The following PDE4D variants were observed in gnomAD, a reference collection of about 807,000 sequenced individuals.
PDE4D encodes phosphodiesterase 4D, also known as 3',5'-cyclic-AMP phosphodiesterase 4D.
In PDE4D, 24 loss-of-function variants were observed where a neutral mutation model predicts 87.4. The ratio of observed to expected loss-of-function variants is 0.27; its 90% confidence interval spans 0.20 to 0.39. PDE4D has a LOEUF of 0.39. PDE4D is among the 10% of genes least tolerant of loss of function. PDE4D has a pLI of 1.00. For synonymous variants in PDE4D, 384 were observed against 383.2 expected (o/e 1.00, Z -0.02); for missense variants, 714 against 1,041.0 (o/e 0.69, Z 4.32).
chr5:60,070,355 T>C (rs902638973), intron 2 of PDE4D, among the ~76,000 whole-genome samples: 1 of 152,250 alleles, frequency 6.6e-6, no homozygotes, highest in African/African-American at 2.4e-5. Context: ...TTGAGGTATA[T>C]AATATTTGTA....
At chr5:59,602,478 G>A (rs542286349) in intron 1 of PDE4D, among the ~76,000 whole-genome samples, 2 of 151,974 alleles carry the variant, frequency 1.3e-5, no homozygotes, top group South Asian at 4.1e-4. Context: ...ATCTGAAAAA[G>A]AAATTTTTAA....
At chr5:59,817,751 C>A (rs1026370005) in intron 1 of PDE4D, among the ~76,000 whole-genome samples, 2 of 149,216 alleles carry the variant, frequency 1.3e-5, no homozygotes, top group Admixed American at 6.7e-5. Context: ...CACCCCCCCC[C>A]ACACACACAC....
chr5:60,429,641 A>G lies in PDE4D; in HGVS notation c.-90+58301T>C, dbSNP rs142877181. ...CTTACTATTTTGAGGTATGTCCTTC[A>G]ATGCCTAGTTTTTTGAAGGTTTTTA... On this transcript the variant is annotated intron_variant, in intron 1 of 16. Transcript: ENST00000502484. Among the ~76,000 whole-genome samples the G allele has an allele frequency of 9.9e-4, 150 of 152,266 alleles. 2 individuals are homozygous for G. The highest frequency in any genetic ancestry group is 3.6e-3 in the African/African-American group (148 of 41,560).
chr5:59,109,613 C>T (rs897374839), intron 5 of PDE4D, among the ~76,000 whole-genome samples: 2 of 152,142 alleles, frequency 1.3e-5, no homozygotes, highest in African/African-American at 4.8e-5. Flanking sequence ...GCTTTAGGGG[C>T]TGGTGCATGC....
chr5:60,291,722 G>A (rs1752914782), intron 1 of PDE4D, among the ~76,000 whole-genome samples: 1 of 151,882 alleles, frequency 6.6e-6, no homozygotes, highest in African/African-American at 2.4e-5. Context: ...CTAGCAACTG[G>A]GCAGTGAGAC....
At chr5:59,255,991 C>T (rs1252324753) in intron 1 of PDE4D, among the ~76,000 whole-genome samples, 1 of 152,044 alleles carries the variant, frequency 6.6e-6, no homozygotes, top group Non-Finnish European at 1.5e-5. Context: ...TGTTCTGTTA[C>T]AAAAACTCCA....
chr5:59,856,888 G>A (rs1252647928), intron 1 of PDE4D, among the ~76,000 whole-genome samples: 7 of 152,020 alleles, frequency 4.6e-5, no homozygotes, highest in Non-Finnish European at 1.0e-4. Context: ...CAAAGAAAAT[G>A]AGTATTAGTC....
chr5:59,134,520 A>AACAGG (rs1776755269), intron 5 of PDE4D, among the ~76,000 whole-genome samples: 1 of 152,192 alleles, frequency 6.6e-6, no homozygotes, highest in African/African-American at 2.4e-5. Flanking sequence ...ACTAAAACGT[A>AACAGG]ACAGGATGTT....
chr5:60,049,481 C>A (rs1010762803), intron 2 of PDE4D, among the ~76,000 whole-genome samples: 1 of 152,184 alleles, frequency 6.6e-6, no homozygotes, highest in Admixed American at 6.5e-5. Context: ...TCTGTTTTTT[C>A]CCCATTTTTG....
At chr5:59,740,367 T>C (rs528423311) in intron 1 of PDE4D, among the ~76,000 whole-genome samples, 2 of 152,284 alleles carry the variant, frequency 1.3e-5, no homozygotes, top group Non-Finnish European at 2.9e-5. Flanking sequence ...GGTATTTTTG[T>C]TCTAAAAGGG....
chr5:59,968,272 C>T (rs1037464974), intron 3 of PDE4D, among the ~76,000 whole-genome samples: 2 of 151,950 alleles, frequency 1.3e-5, no homozygotes, highest in African/African-American at 4.8e-5. Flanking sequence ...GTGTGAGCCA[C>T]TGCGCCCGGC....
chr5:60,299,870 A>T (rs960130068), intron 1 of PDE4D, among the ~76,000 whole-genome samples: 49 of 152,168 alleles, frequency 3.2e-4, no homozygotes, highest in African/African-American at 1.1e-3. Flanking sequence ...ATACACATGT[A>T]TGTATCTTTA....
rs190821630 is a variant in PDE4D at position 59,830,156 on chromosome 5, A to G, written c.455+63012T>C. On this transcript the variant is annotated intron_variant, in intron 1 of 14. Coordinates refer to ENST00000340635, the MANE Select transcript of PDE4D (RefSeq NM_001104631.2). ...GAACTGACAGGCCTTTGTGTATTTG[A>G]GTTAATGACAAGCTGACAGATAGCA... 2.0e-5 allele frequency among the ~76,000 whole-genome samples: 3 copies of G among 152,156 alleles called. No individual in the cohort carries two copies. In the East Asian group the frequency reaches 5.8e-4, roughly 30 times the overall value.
intron 12 of PDE4D, among the ~76,000 whole-genome samples, chr5:58,976,865 G>GA (rs1743934595): frequency 6.6e-6 from 1 of 152,182 alleles, no homozygotes; most frequent in Admixed American, 6.6e-5. Flanking sequence ...CTACTGATGA[G>GA]AAAAGGTGGG....
chr5:59,547,947 C>T (rs1817545905), intron 1 of PDE4D, among the ~76,000 whole-genome samples: 2 of 152,246 alleles, frequency 1.3e-5, no homozygotes, highest in South Asian at 2.1e-4. Context: ...GATGTATGCT[C>T]TCATGTCACA....
intron 2 of PDE4D, among the ~76,000 whole-genome samples, chr5:59,209,250 A>G (rs1187257251): frequency 1.3e-5 from 2 of 152,048 alleles, no homozygotes; most frequent in South Asian, 2.1e-4. Context: ...CAGTGGCTCA[A>G]TCGTGGCTCA....
chr5:60,378,726 A>C (rs1207681356), intron 1 of PDE4D, among the ~76,000 whole-genome samples: 2 of 151,934 alleles, frequency 1.3e-5, no homozygotes, highest in Non-Finnish European at 1.5e-5. Context: ...GGTGGTGCCC[A>C]TCTGTAATCC....
intron 1 of PDE4D, among the ~76,000 whole-genome samples, chr5:60,420,866 C>T (rs1017976126): frequency 1.3e-5 from 2 of 152,370 alleles, no homozygotes; most frequent in African/African-American, 4.8e-5. Flanking sequence ...TAGCAACCAG[C>T]AGACCAGGAG....
intron 1 of PDE4D, among the ~76,000 whole-genome samples, chr5:59,618,690 T>C (rs1340593786): frequency 6.6e-6 from 1 of 152,062 alleles, no homozygotes; most frequent in Non-Finnish European, 1.5e-5. Flanking sequence ...AGAAGACAGA[T>C]GATGGTGGCT....
Sources: gnomAD v4.1 joint callset for allele counts (sites outside exome capture counted in the v4.1 genomes callset) on GRCh38, gnomAD v4.1.1 for gene constraint, MANE v1.5 for transcripts, NCBI Gene and HGNC (gene_info 2026-07-23, HGNC 2026-07-21) for gene names.